ZNF667: variants seen among roughly 807,000 people sequenced by gnomAD.
ZNF667 encodes myocardial ischemic preconditioning upregulated 1 ortholog.
In ZNF667, 13 loss-of-function variants were observed where a neutral mutation model predicts 31.8. The ratio of observed to expected loss-of-function variants is 0.41; its 90% CI spans 0.27 to 0.65. The LOEUF is 0.65. Ranked by LOEUF, ZNF667 falls within the 30% of genes least tolerant of loss-of-function variation. The pLI is 0.32. For missense variants in ZNF667, 642 were observed against 725.6 expected, an observed-to-expected ratio of 0.88 and a Z score of 1.32; for synonymous variants, 228 against 247.1, an observed-to-expected ratio of 0.92 and a Z score of 0.73.
At chr19:56,463,349 G>GT (rs1321010047) in intron 3 of ZNF667, among the ~76,000 whole-genome samples, 1 of 152,132 alleles carries the variant, frequency 6.6e-6, no homozygotes, top group East Asian at 1.9e-4. Context: ...GGTGGGTGGA[G>GT]TGGAGGAAGG....
rs372744217 is a variant in ZNF667, at chr19:56,441,118, T to C, written c.*44A>G. 4 of 1,548,842 alleles carry C rather than the reference T, an allele frequency of 2.6e-6. No individual in the cohort carries two copies. In the African/African-American group the frequency reaches 4.1e-5, roughly 16 times the overall value. ...TATAGACAAATACATATTTGCCATATGTTTGATAGCCTCATTCGTTGATTT... is the reference window on the plus strand; with the variant it reads ...TATAGACAAATACATATTTGCCATACGTTTGATAGCCTCATTCGTTGATTT... On this transcript the variant is annotated 3_prime_UTR_variant, in exon 7 of 7. Transcript: ENST00000504904. The surrounding 1 kb of genome is among the most constrained non-coding windows in gnomAD (Gnocchi z 4.2).
intron 6 of ZNF667, among the ~76,000 whole-genome samples, chr19:56,443,495 G>A (rs143650329): frequency 2.0e-4 from 31 of 152,158 alleles, no homozygotes; most frequent in African/African-American, 7.5e-4. Flanking sequence ...CTGTTCCTAG[G>A]CTACAAACCT....
In ZNF667 at chr19:56,440,471, CGA is replaced by C; in HGVS notation, c.*689_*690del. 1 of 571,834 alleles carries C rather than the reference CGA, an allele frequency of 1.7e-6. No homozygotes were observed. Among genetic ancestry groups the C allele is most frequent in the Non-Finnish European group, 2.2e-6 (1 of 452,094 alleles). 35.4% of individuals were successfully genotyped at this position (571,834 alleles called of 1,614,324 possible). On this transcript the variant is annotated 3_prime_UTR_variant, in exon 7 of 7. Coordinates refer to ENST00000504904, the MANE Select transcript of ZNF667 (RefSeq NM_001321356.2). ...AGCTGAAAGTGGCACCCTGTTTTGC[CGA>C]GAAGTTCCTTATATTTGATAATTCT...
chr19:56,460,861 C>T, intron 4 of ZNF667, 46 bp from the exon 5 acceptor site: 1 of 1,524,950 alleles, frequency 6.6e-7, no homozygotes, highest in Non-Finnish European at 8.8e-7. Flanking sequence ...CTTGTGCTTC[C>T]ACATGGCTGG....
chr19:56,446,375 C>T (rs2042709809), intron 6 of ZNF667, among the ~76,000 whole-genome samples: 1 of 152,126 alleles, frequency 6.6e-6, no homozygotes, highest in East Asian at 1.9e-4. Context: ...GTCTTCTTTC[C>T]TTTTTTCTTT....
chr19:56,474,667 C>A (rs2043363651), intron 1 of ZNF667: 1 of 152,524 alleles, frequency 6.6e-6, no homozygotes, highest in Non-Finnish European at 1.5e-5. Context: ...TTCCCAGAGG[C>A]CCCAAAGGAG....
In ZNF667 at chr19:56,441,246, A is replaced by G. The variant is rs61740673; in HGVS notation, c.1749T>C (p.Tyr583=). 24,571 of 1,614,106 alleles carry G rather than the reference A, an allele frequency of 0.015. 504 individuals carry two copies. Among genetic ancestry groups the G allele is most frequent in the African/African-American group, 0.098 (7,355 of 75,004 alleles). Residue 583 remains tyrosine (Y), a synonymous_variant, in exon 7 of 7, where the codon TAT becomes TAC. Transcript: ENST00000504904. The surrounding 1 kb of genome is among the most constrained non-coding windows in gnomAD (Gnocchi z 4.2). ...HQRSHSSEKP[Y]ECSKCGKAYS... ...ATGCCTTCCCACATTTACTACATTCATAGGGTTTCTCTGAAGAATGACTTC... is the reference window on the plus strand; with the variant it reads ...ATGCCTTCCCACATTTACTACATTCGTAGGGTTTCTCTGAAGAATGACTTC...
intron 6 of ZNF667, 128 bp from the exon 7 acceptor site, chr19:56,442,869 G>C: frequency 7.9e-7 from 1 of 1,264,668 alleles, no homozygotes; most frequent in Non-Finnish European, 1.0e-6. Context: ...TAACTTTTTA[G>C]TGTTTTATTG....
chr19:56,456,332 A>T (rs1185479161), intron 6 of ZNF667, among the ~76,000 whole-genome samples: 2 of 152,196 alleles, frequency 1.3e-5, no homozygotes, highest in Admixed American at 6.6e-5. Context: ...GTGCAAAGGG[A>T]AATGGGGCAG....
chr19:56,449,104 G>A (rs2042765923), intron 6 of ZNF667: 2 of 177,434 alleles, frequency 1.1e-5, no homozygotes, highest in Non-Finnish European at 2.5e-5. Context: ...TACTGGCCAT[G>A]GGGTGACCCC....
chr19:56,449,879 T>C (rs1406784150), intron 6 of ZNF667, among the ~76,000 whole-genome samples: 1 of 150,716 alleles, frequency 6.6e-6, no homozygotes, highest in Non-Finnish European at 1.5e-5. Context: ...ACAGCAGAAT[T>C]GATCAAGCAG....
chr19:56,460,583 C>T, intron 5 of ZNF667, 106 bp downstream of exon 5: 2 of 1,317,446 alleles, frequency 1.5e-6, no homozygotes, highest in Non-Finnish European at 2.0e-6. Flanking sequence ...CAATAAAGCT[C>T]TTTTAAAAAA....
At chr19:56,462,812 G>T (rs1389272176) in intron 3 of ZNF667, among the ~76,000 whole-genome samples, 3 of 152,180 alleles carry the variant, frequency 2.0e-5, no homozygotes, top group Non-Finnish European at 4.4e-5. Context: ...AGTAGGGAAA[G>T]AAAGTCCATA....
intron 4 of ZNF667, 111 bp from the exon 5 acceptor site, chr19:56,460,926 C>G: frequency 8.5e-7 from 1 of 1,182,040 alleles, no homozygotes; most frequent in East Asian, 2.7e-5. Flanking sequence ...AAGAATCATT[C>G]AGGAAGCATT....
intron 6 of ZNF667, among the ~76,000 whole-genome samples, chr19:56,443,253 A>G (rs1270866947): frequency 6.6e-6 from 1 of 152,210 alleles, no homozygotes; most frequent in African/African-American, 2.4e-5. Flanking sequence ...AGTGACTTTT[A>G]TGATGTTTAC....
rs997063125 is a variant in ZNF667, at chr19:56,440,891, G to A, written c.*271C>T. 4.2e-6 allele frequency: 5 copies of A among 1,204,286 alleles called. No homozygotes were observed. In the African/African-American group the frequency reaches 6.2e-5, roughly 15 times the overall value. The allele number at this position is 1,204,286 out of a possible 1,614,324, so 74.6% of individuals were successfully genotyped here. On this transcript the variant is annotated 3_prime_UTR_variant, in exon 7 of 7. Transcript: ENST00000504904. ...GCCTGTCTCAGCCTCCCAAAGTGCT[G>A]GGGTTACAGGTGTAAGCCACTGCGC...
At position 56,462,354 on chromosome 19, in the gene ZNF667, C is replaced by A. The variant is rs926226318; in HGVS notation, c.17G>T (p.Gly6Val). ...GCCACTTACCTTGGATTTGGATTTC[C>A]CCCGTGCAGAAGGCATCCTTTCCTC... MPSAR[G>V]KSKSKAPITF... Residue 6 changes from glycine to valine, a missense_variant, in exon 4 of 7, where the codon GGG (glycine) becomes GTG (valine). Coordinates refer to ENST00000504904, the MANE Select transcript of ZNF667 (RefSeq NM_001321356.2). 3.7e-6 allele frequency: 6 copies of A among 1,614,034 alleles called. No homozygotes were observed. In the African/African-American group the frequency reaches 8.0e-5, roughly 22 times the overall value.
chr19:56,446,674 A>G (rs1488726969), intron 6 of ZNF667, among the ~76,000 whole-genome samples: 1 of 152,240 alleles, frequency 6.6e-6, no homozygotes. Context: ...AGTAGCTACC[A>G]TTATAATTAT....
intron 6 of ZNF667, among the ~76,000 whole-genome samples, chr19:56,450,366 A>G (rs889705649): frequency 6.6e-6 from 1 of 152,210 alleles, no homozygotes; most frequent in Non-Finnish European, 1.5e-5. Context: ...TATTATATCC[A>G]GTGAAAATGC....
Sources: gnomAD v4.1 joint callset for allele counts (sites outside exome capture counted in the v4.1 genomes callset) on GRCh38, gnomAD v4.1.1 for gene constraint, Gnocchi (gnomAD v3.1) non-coding constraint, MANE v1.5 for transcripts, NCBI Gene and HGNC (gene_info 2026-07-23, HGNC 2026-07-21) for gene names.